Variants in GRIA4 observed in about 807,000 individuals in gnomAD.
The protein encoded by GRIA4 is glutamate ionotropic receptor AMPA type subunit 4, also known as glutamate receptor 4.
GRIA4 carries 34 observed loss-of-function variants against 104.0 expected under a neutral mutation model. The observed-to-expected ratio is 0.33, with a 90% confidence interval of 0.25 to 0.44. GRIA4 has a LOEUF of 0.44. Ranked by LOEUF, GRIA4 falls within the 20% of genes least tolerant of loss-of-function variation. GRIA4 has a pLI of 1.00. For missense variants in GRIA4, 750 were observed against 1,096.5 expected (o/e 0.68, Z 4.46); for synonymous variants, 386 against 381.9 (o/e 1.01, Z -0.13).
At chr11:105,727,819 C>G (rs1210196558) in intron 3 of GRIA4, among the ~76,000 whole-genome samples, 1 of 152,130 alleles carries the variant, frequency 6.6e-6, no homozygotes, top group Non-Finnish European at 1.5e-5. Flanking sequence ...TACAGACAAG[C>G]AAATGCTGAG....
In GRIA4 at chr11:105,753,130, C is replaced by A; in HGVS notation, c.397C>A (p.Gln133Lys). ...PTEGESQFVL[Q>K]LRPSLRGALL... ...TGAGGGGGAGAGCCAGTTTGTGCTG[C>A]AACTAAGACCTTCGTTACGAGGAGC... Residue 133 changes from glutamine (Q) to lysine (K), a missense_variant, in exon 4 of 17, where the codon CAA becomes AAA. This residue lies in a region of GRIA4 where 410 missense variants were observed against 502.7 expected (regional missense o/e 0.82). Coordinates refer to ENST00000282499, the MANE Select transcript of GRIA4 (RefSeq NM_000829.4). 6.2e-7 allele frequency: 1 copy of A among 1,613,686 alleles called. No individual in the cohort carries two copies. Among genetic ancestry groups the A allele is most frequent in the Non-Finnish European group, 8.5e-7 (1 of 1,179,700 alleles).
chr11:105,897,332 A>G (rs1190509921), intron 6 of GRIA4, among the ~76,000 whole-genome samples: 1 of 152,094 alleles, frequency 6.6e-6, no homozygotes, highest in Non-Finnish European at 1.5e-5. Context: ...AGGATTTTCT[A>G]GGTGTAGGAT....
At chr11:105,976,643 G>A (rs1858997452) in intron 16 of GRIA4, among the ~76,000 whole-genome samples, 1 of 151,942 alleles carries the variant, frequency 6.6e-6, no homozygotes, top group Non-Finnish European at 1.5e-5. Flanking sequence ...CCATAATTAT[G>A]GAAATGATTG....
chr11:105,752,317 C>T (rs1940047672), intron 3 of GRIA4, among the ~76,000 whole-genome samples: 1 of 152,134 alleles, frequency 6.6e-6, no homozygotes. Flanking sequence ...CCGCCTACAA[C>T]ATGCGCAGCT....
intron 4 of GRIA4, among the ~76,000 whole-genome samples, chr11:105,765,889 A>T (rs1940912205): frequency 6.6e-6 from 1 of 152,232 alleles, no homozygotes; most frequent in Non-Finnish European, 1.5e-5. Context: ...TGATTACTTC[A>T]ATAGAATTGT....
At chr11:105,810,961 C>T (rs961152670) in intron 4 of GRIA4, among the ~76,000 whole-genome samples, 72 of 151,972 alleles carry the variant, frequency 4.7e-4, no homozygotes, top group Admixed American at 4.1e-3. Context: ...TTTATGGCTA[C>T]GATTTCTGAA....
At chr11:105,970,604 T>G (rs1281012858) in intron 14 of GRIA4, among the ~76,000 whole-genome samples, 1 of 152,196 alleles carries the variant, frequency 6.6e-6, no homozygotes, top group Admixed American at 6.5e-5. Flanking sequence ...GCTGTCATGA[T>G]CACCATCATT....
In GRIA4 at chr11:105,695,404, C is replaced by T. The variant is rs190347383; in HGVS notation, c.248-57577C>T. ...CTTCTGTCCTTGTCTTGTTGAGCTA[C>T]TTATGCTTTTCATCCTGGAGAGAGA... On this transcript the variant is annotated intron_variant, in intron 3 of 16. Transcript: ENST00000282499. 1.8e-3 allele frequency among the ~76,000 whole-genome samples: 271 copies of T among 151,980 alleles called. 1 individual carries two copies. The highest frequency in any genetic ancestry group is 2.9e-3 in the Non-Finnish European group (199 of 67,982).
At chr11:105,863,957 A>G (rs1018399629) in intron 5 of GRIA4, among the ~76,000 whole-genome samples, 1 of 152,156 alleles carries the variant, frequency 6.6e-6, no homozygotes, top group Non-Finnish European at 1.5e-5. Context: ...GACATCTTAT[A>G]TATTTTTTGT....
rs561345599 is a variant in GRIA4 at position 105,965,626 on chromosome 11, G to C, written c.2295-6288G>C. Among the ~76,000 whole-genome samples the C allele has an allele frequency of 2.6e-5, 4 of 152,090 alleles. No homozygotes were observed. The East Asian group carries it at 7.8e-4, about 29-fold the overall frequency. On this transcript the variant is annotated intron_variant, in intron 14 of 16. Transcript: ENST00000282499. ...CATTCTTAGAGGCAAAGGAATTCAA[G>C]ACACAATTCTTTCTCAATTACTAGT... is the stretch of plus-strand genomic sequence containing the variant.
At chr11:105,918,987 A>C in intron 11 of GRIA4, 69 bp downstream of exon 11, 1 of 917,390 alleles carries the variant, frequency 1.1e-6, no homozygotes, top group South Asian at 1.3e-5. Flanking sequence ...TGGGCACATA[A>C]CAATTTTTAA....
intron 4 of GRIA4, among the ~76,000 whole-genome samples, chr11:105,820,699 T>A (rs1466515102): frequency 6.6e-6 from 1 of 152,124 alleles, no homozygotes; most frequent in Non-Finnish European, 1.5e-5. Flanking sequence ...TTATCTCTAA[T>A]TTTTGTTTGT....
chr11:105,859,538 G>C (rs1330744275), intron 4 of GRIA4, among the ~76,000 whole-genome samples: 1 of 152,158 alleles, frequency 6.6e-6, no homozygotes, highest in Non-Finnish European at 1.5e-5. Flanking sequence ...ATCAGAAGGT[G>C]TGTGGCTCCA....
chr11:105,872,630 C>A (rs1945658855), intron 5 of GRIA4, among the ~76,000 whole-genome samples: 3 of 152,048 alleles, frequency 2.0e-5, no homozygotes, highest in Non-Finnish European at 2.9e-5. Flanking sequence ...AACTTTTATT[C>A]CCATCACCAC....
intron 4 of GRIA4, among the ~76,000 whole-genome samples, chr11:105,850,779 G>A (rs910767807): frequency 4.6e-5 from 7 of 152,114 alleles, no homozygotes; most frequent in African/African-American, 1.7e-4. Flanking sequence ...GCAAGCATAC[G>A]CTCAATGTAA....
chr11:105,896,904 T>C (rs1049825541), intron 6 of GRIA4, among the ~76,000 whole-genome samples: 1 of 152,168 alleles, frequency 6.6e-6, no homozygotes, highest in Non-Finnish European at 1.5e-5. Context: ...TTTTTATTAG[T>C]TCCATATGAA....
intron 14 of GRIA4, among the ~76,000 whole-genome samples, chr11:105,949,660 T>C (rs746613133): frequency 5.0e-4 from 76 of 152,154 alleles, no homozygotes; most frequent in Non-Finnish European, 9.0e-4. Context: ...TTTACAAATA[T>C]TAGCAAATGA....
At chr11:105,788,606 G>C (rs899948937) in intron 4 of GRIA4, among the ~76,000 whole-genome samples, 2 of 152,148 alleles carry the variant, frequency 1.3e-5, no homozygotes, top group Admixed American at 1.3e-4. Context: ...CATGGATGGA[G>C]CTGGACACCA....
intron 3 of GRIA4, among the ~76,000 whole-genome samples, chr11:105,726,244 T>A (rs1321276568): frequency 6.6e-6 from 1 of 151,902 alleles, no homozygotes; most frequent in East Asian, 1.9e-4. Context: ...GAGTAGGTGG[T>A]TTTCCCCTCA....
Sources: gnomAD v4.1 joint callset for allele counts (sites outside exome capture counted in the v4.1 genomes callset) on GRCh38, gnomAD v4.1.1 for gene constraint, gnomAD v4.1.1 regional missense constraint, MANE v1.5 for transcripts, NCBI Gene and HGNC (gene_info 2026-07-23, HGNC 2026-07-21) for gene names.